STX6: variants seen among roughly 807,000 people sequenced by gnomAD.
STX6 encodes syntaxin-6.
In STX6, 23 loss-of-function variants were observed where a neutral mutation model predicts 38.0. The ratio of observed to expected loss-of-function variants is 0.60; its 90% CI spans 0.43 to 0.86. The LOEUF (loss-of-function observed/expected upper bound fraction) is 0.86. Among genes scored for constraint, STX6 ranks in the 40% least tolerant of loss-of-function variants. The pLI is 0.00. For missense variants in STX6, 274 were observed against 312.9 expected, an observed-to-expected ratio of 0.88 and a Z score of 0.94; for synonymous variants, 123 against 107.5, an observed-to-expected ratio of 1.14 and a Z score of -0.89.
chr1:181,017,350 G>A (rs993828877), intron 1 of STX6, among the ~76,000 whole-genome samples: 9 of 152,026 alleles, frequency 5.9e-5, no homozygotes, highest in African/African-American at 9.6e-5. Context: ...CCGAGATCGC[G>A]CCACTGCACT....
intron 3 of STX6, among the ~76,000 whole-genome samples, chr1:180,999,348 A>AATT (rs1237683571): frequency 6.6e-6 from 1 of 152,184 alleles, no homozygotes; most frequent in Non-Finnish European, 1.5e-5. Context: ...CTTGATCCTA[A>AATT]AGTAAAACCA....
Position 180,984,762 on chromosome 1 carries a change from T to C in STX6, c.606A>G (p.Glu202=). The change falls in exon 7 of 8, where the codon GAA becomes GAG. Residue 202 remains glutamate, a synonymous_variant. Coordinates refer to ENST00000258301, the MANE Select transcript of STX6 (RefSeq NM_005819.6). ...TGCTCTCCAATTCGTGAGAGAAATC[T>C]TCCAACATACTAGAGAGAAGCAGAC... ...GELEEQAVML[E]DFSHELESTQ... The C allele has an allele frequency of 1.3e-6, 2 of 1,557,712 alleles. No homozygotes were observed. The highest frequency in any genetic ancestry group is 1.8e-6 in the Non-Finnish European group (2 of 1,128,714).
rs1012202583 is a variant in STX6 at position 180,974,500 on chromosome 1, G to C, written c.*2070C>G. 6.6e-6 allele frequency: 1 copy of C among 152,602 alleles called. No individual in the cohort carries two copies. Among genetic ancestry groups the C allele is most frequent in the African/African-American group, 2.4e-5 (1 of 41,438 alleles). 9.5% of individuals were successfully genotyped at this position (152,602 alleles called of 1,614,324 possible). On this transcript the variant is annotated 3_prime_UTR_variant, in exon 8 of 8. Transcript: ENST00000258301. ...ATTAATGACTAGGTTTGTTCCAAAC[G>C]GCCCCTGCTGACACACATGATCCTT...
intron 2 of STX6, among the ~76,000 whole-genome samples, chr1:181,003,111 C>A (rs1407735494): frequency 1.3e-5 from 2 of 152,216 alleles, no homozygotes. Flanking sequence ...GATGCTAACC[C>A]TACTTCTTAA....
intron 1 of STX6, among the ~76,000 whole-genome samples, chr1:181,018,191 C>A (rs1002688753): frequency 6.6e-6 from 1 of 151,868 alleles, no homozygotes; most frequent in African/African-American, 2.4e-5. Context: ...CAAGACCAGC[C>A]TGGCTAACAG....
At chr1:180,998,381 CT>C (rs369173411) in intron 3 of STX6, among the ~76,000 whole-genome samples, 4 of 149,536 alleles carry the variant, frequency 2.7e-5, no homozygotes, top group Admixed American at 1.3e-4. Context: ...GCTTTCACTT[CT>C]TTTTTTTTTC....
At chr1:181,022,596 A>G (rs1395536023) in intron 1 of STX6, 43 bp downstream of exon 1, 5 of 1,589,666 alleles carry the variant, frequency 3.1e-6, no homozygotes, top group Non-Finnish European at 4.3e-6. Flanking sequence ...GGCAGGCAGC[A>G]CCGCCACCTC....
At chr1:180,993,331 T>A (rs771460216) in intron 4 of STX6, 32 bp downstream of exon 4, 2 of 1,227,046 alleles carry the variant, frequency 1.6e-6, no homozygotes, top group Non-Finnish European at 2.4e-6. Context: ...ATGCTTTCTG[T>A]CATTGATAAT....
chr1:180,984,035 G>C (rs1655489417), intron 7 of STX6, among the ~76,000 whole-genome samples: 1 of 132,088 alleles, frequency 7.6e-6, no homozygotes, highest in Non-Finnish European at 1.5e-5. Context: ...CTGCACTCCA[G>C]CCTGGGCAAC....
At chr1:180,996,899 T>C (rs1490876801) in intron 3 of STX6, among the ~76,000 whole-genome samples, 3 of 152,210 alleles carry the variant, frequency 2.0e-5, no homozygotes, top group South Asian at 4.1e-4. Context: ...TGTATTCTCA[T>C]TGAATTTTTT....
chr1:180,986,526 T>C (rs535229930), intron 6 of STX6, among the ~76,000 whole-genome samples: 7 of 152,152 alleles, frequency 4.6e-5, no homozygotes, highest in African/African-American at 9.7e-5. Context: ...CCAAATCCCA[T>C]GCTTTTTCCC....
chr1:180,973,598 T>C lies in STX6; in HGVS notation c.*2972A>G, dbSNP rs1439262651. 6.6e-6 allele frequency: 1 copy of C among 152,644 alleles called. No individual in the cohort carries two copies. The highest frequency in any genetic ancestry group is 1.5e-5 in the Non-Finnish European group (1 of 68,040). The allele number at this position is 152,644 out of a possible 1,614,324, so 9.5% of individuals were successfully genotyped here. ...AGAGAATAATGGGCAAGTTACCAAG[T>C]TTCCCCCTTCAGCTCTGGCGTGCAT... On this transcript the variant is annotated 3_prime_UTR_variant, in exon 8 of 8. Transcript: ENST00000258301.
chr1:180,988,213 A>G (rs1444904094), intron 6 of STX6, 26 bp downstream of exon 6: 1 of 1,570,556 alleles, frequency 6.4e-7, no homozygotes. Context: ...ATTTCACTGA[A>G]GCGAGAGGGG....
chr1:180,981,341 A>T (rs1655410563), intron 7 of STX6, among the ~76,000 whole-genome samples: 2 of 152,220 alleles, frequency 1.3e-5, no homozygotes, highest in African/African-American at 4.8e-5. Context: ...TGTTCTAAAA[A>T]TAGTTTATTA....
At chr1:180,978,932 A>T (rs182220979) in intron 7 of STX6, among the ~76,000 whole-genome samples, 93 of 152,380 alleles carry the variant, frequency 6.1e-4, no homozygotes, top group Non-Finnish European at 1.1e-3. Flanking sequence ...ACTAAAGGAA[A>T]AAGCAACAGT....
Position 180,984,089 on chromosome 1 carries a change from A to AAAAAAAAAC in STX6, c.691+587_691+588insGTTTTTTTT, listed in dbSNP as rs141306282. Among the ~76,000 whole-genome samples the AAAAAAAAAC allele has an allele frequency of 2.1e-4, 20 of 97,014 alleles. 1 individual carries two copies. The highest frequency in any genetic ancestry group is 3.5e-4 in the African/African-American group (11 of 31,524). The allele number at this position is 97,014 out of a possible 152,430, so 63.6% of individuals were successfully genotyped here. On this transcript the variant is annotated intron_variant, in intron 7 of 7. Transcript: ENST00000258301. ...AAAAAAAAAAAAAAAAAAAAAAAAAAACACAACGAAAGTGACTCTACTGGG... is the reference window on the plus strand; with the variant it reads ...AAAAAAAAAAAAAAAAAAAAAAAAAAAAAAAAAACACACAACGAAAGTGACTCTACTGGG...
intron 1 of STX6, among the ~76,000 whole-genome samples, chr1:181,007,714 A>G (rs1469272822): frequency 6.6e-6 from 1 of 152,160 alleles, no homozygotes; most frequent in East Asian, 1.9e-4. Context: ...GACTCCTTTG[A>G]ACTCTTCAAA....
intron 7 of STX6, among the ~76,000 whole-genome samples, chr1:180,982,594 T>C (rs1298657947): frequency 6.6e-6 from 1 of 152,248 alleles, no homozygotes; most frequent in African/African-American, 2.4e-5. Flanking sequence ...ATACCCAGAA[T>C]GCTGGGAAAC....
In STX6 at chr1:181,008,064, G is replaced by A. The variant is rs995611127; in HGVS notation, c.36-2601C>T. 5.7e-4 allele frequency among the ~76,000 whole-genome samples: 86 copies of A among 152,206 alleles called. 1 individual carries two copies. The highest frequency in any genetic ancestry group is 1.7e-3 in the African/African-American group (72 of 41,526). ...GGAGGAGAATTTTAATAGTCTTTTC[G>A]GACAATTGTGGATGTACTTTTTTGA... is the stretch of plus-strand genomic sequence containing the variant. On this transcript the variant is annotated intron_variant, in intron 1 of 7. Transcript: ENST00000258301.
Sources: allele counts gnomAD v4.1 joint callset (sites outside exome capture counted in the v4.1 genomes callset), GRCh38; gene constraint gnomAD v4.1.1; transcripts MANE v1.5; gene names NCBI Gene and HGNC (gene_info 2026-07-23, HGNC 2026-07-21).